The following CCDC149 variants were observed in gnomAD, a reference collection of about 807,000 sequenced individuals.
The protein encoded by CCDC149 is coiled-coil domain-containing protein 149.
In CCDC149, 45 loss-of-function variants were observed where a neutral mutation model predicts 59.9. The observed-to-expected ratio is 0.75, with a 90% CI of 0.59 to 0.96. The LOEUF (loss-of-function observed/expected upper bound fraction) is 0.96. Among genes scored for constraint, CCDC149 ranks in the 40% least tolerant of loss-of-function variants. The pLI is 0.00. For synonymous variants in CCDC149, 245 were observed against 260.6 expected, an observed-to-expected ratio of 0.94 and a Z score of 0.58; for missense variants, 584 against 664.7, an observed-to-expected ratio of 0.88 and a Z score of 1.33.
chr4:24,809,587 C>T (rs578194953), intron 12 of CCDC149, among the ~76,000 whole-genome samples: 3 of 150,678 alleles, frequency 2.0e-5, no homozygotes, highest in Admixed American at 6.5e-5. Flanking sequence ...AGCAGCATGG[C>T]GGAGCCAGCT....
chr4:24,822,454 G>GAA (rs760256106), intron 10 of CCDC149, 43 bp downstream of exon 10: 702 of 999,826 alleles, frequency 7.0e-4, no homozygotes, highest in South Asian at 1.2e-3. Flanking sequence ...TTAAAAAAAA[G>GAA]AAAAAAAAAA....
At chr4:24,969,126 G>A (rs1723888133) in intron 1 of CCDC149, among the ~76,000 whole-genome samples, 2 of 152,332 alleles carry the variant, frequency 1.3e-5, no homozygotes. Flanking sequence ...AAGACATTTG[G>A]GAGGCTTGTT....
intron 7 of CCDC149, 131 bp downstream of exon 7, chr4:24,836,305 C>A: frequency 1.5e-6 from 1 of 681,390 alleles, no homozygotes; most frequent in Non-Finnish European, 2.6e-6. Context: ...CCAGTTAAAG[C>A]TCTTATTAGA....
intron 1 of CCDC149, among the ~76,000 whole-genome samples, chr4:24,926,424 A>G (rs1722434682): frequency 6.6e-6 from 1 of 152,144 alleles, no homozygotes; most frequent in Non-Finnish European, 1.5e-5. Flanking sequence ...CATATTCCTC[A>G]GTTTCCTTTA....
At chr4:24,890,620 G>A (rs544247810) in intron 1 of CCDC149, among the ~76,000 whole-genome samples, 1 of 152,334 alleles carries the variant, frequency 6.6e-6, no homozygotes, top group East Asian at 1.9e-4. Context: ...CTTGCCTTCT[G>A]AAAAATATGA....
upstream of CCDC149, among the ~76,000 whole-genome samples, chr4:24,914,435 A>G (rs1206284181): frequency 1.3e-5 from 2 of 151,898 alleles, no homozygotes; most frequent in South Asian, 2.1e-4. Flanking sequence ...GCAATTGTGC[A>G]TTAGGATTTA....
chr4:24,809,775 T>G (rs1224327207), intron 12 of CCDC149, among the ~76,000 whole-genome samples: 2 of 152,220 alleles, frequency 1.3e-5, no homozygotes. Context: ...CACTTTCTGG[T>G]ACCCCTGAAT....
intron 1 of CCDC149, among the ~76,000 whole-genome samples, chr4:24,954,490 A>G (rs980337042): frequency 6.6e-6 from 1 of 152,254 alleles, no homozygotes; most frequent in Non-Finnish European, 1.5e-5. Context: ...ATAACTCCAC[A>G]GCTTGTACAC....
intron 12 of CCDC149, among the ~76,000 whole-genome samples, chr4:24,815,685 A>C (rs1714968542): frequency 6.6e-6 from 1 of 152,126 alleles, no homozygotes; most frequent in African/African-American, 2.4e-5. Flanking sequence ...CACCTCAGTG[A>C]GGGTGGTCTA....
chr4:24,937,506 C>T (rs374737194), intron 1 of CCDC149, among the ~76,000 whole-genome samples: 84 of 152,342 alleles, frequency 5.5e-4, no homozygotes, highest in African/African-American at 1.8e-3. Flanking sequence ...AAACCCATAT[C>T]TCAAAGGCCT....
Position 24,808,704 on chromosome 4 carries a change from G to A in CCDC149, c.1308C>T (p.Asn436=). The A allele has an allele frequency of 6.4e-7, 1 of 1,552,332 alleles. No homozygotes were observed. Among genetic ancestry groups the A allele is most frequent in the Non-Finnish European group, 8.7e-7 (1 of 1,147,144 alleles). The stretch of plus-strand genomic sequence containing the variant: ...ATGAAGGATGAAAGAGCTTGCATTG[G>A]TTCCCGCGGCTCTGATTTGCTGGGG... Residue 436 remains asparagine (N), a synonymous_variant, in exon 13 of 13, where the codon AAC becomes AAT. Transcript: ENST00000635206.
intron 12 of CCDC149, among the ~76,000 whole-genome samples, chr4:24,811,429 G>A (rs1459858834): frequency 6.6e-6 from 1 of 151,800 alleles, no homozygotes; most frequent in Non-Finnish European, 1.5e-5. Context: ...CATGCTCCTC[G>A]CAAGCTGTTT....
intron 1 of CCDC149, among the ~76,000 whole-genome samples, chr4:24,940,672 A>G (rs886183605): frequency 1.3e-5 from 2 of 152,248 alleles, no homozygotes; most frequent in Non-Finnish European, 2.9e-5. Context: ...AGAGACACAC[A>G]TAGGCTCAAA....
At chr4:24,946,660 T>C (rs1004042277) in intron 1 of CCDC149, among the ~76,000 whole-genome samples, 2 of 152,200 alleles carry the variant, frequency 1.3e-5, no homozygotes, top group Non-Finnish European at 2.9e-5. Context: ...GAAAGGAATA[T>C]ATGTTAAATG....
intron 1 of CCDC149, among the ~76,000 whole-genome samples, 163 bp downstream of exon 1, chr4:24,912,654 G>A (rs1462204007): frequency 3.3e-5 from 5 of 152,136 alleles, no homozygotes. Context: ...AAGTGCAGGA[G>A]GAGCGGCGCA....
chr4:24,881,944 A>C (rs1456959184), intron 1 of CCDC149, among the ~76,000 whole-genome samples: 3 of 152,322 alleles, frequency 2.0e-5, no homozygotes, highest in Middle Eastern at 3.4e-3. Context: ...TTACAGAGCC[A>C]AGCCTGTGGA....
At chr4:24,836,639 ACC>A in intron 6 of CCDC149, 131 bp from the exon 7 acceptor site, 1 of 606,464 alleles carries the variant, frequency 1.6e-6, no homozygotes, top group Non-Finnish European at 3.0e-6. Flanking sequence ...TTGCCTGCTC[ACC>A]AGAGAGGAGA....
intron 1 of CCDC149, among the ~76,000 whole-genome samples, chr4:24,925,413 T>G (rs1219677870): frequency 2.6e-5 from 4 of 152,126 alleles, no homozygotes; most frequent in African/African-American, 9.7e-5. Context: ...GGGGGTGGGG[T>G]AGGGTCAAAA....
chr4:24,935,551 G>A (rs761714331), intron 1 of CCDC149, among the ~76,000 whole-genome samples: 30 of 152,048 alleles, frequency 2.0e-4, no homozygotes, highest in Admixed American at 1.3e-3. Context: ...AGTGGGATTC[G>A]TGCCCTTATA....
Sources: gnomAD v4.1 joint callset for allele counts (sites outside exome capture counted in the v4.1 genomes callset) on GRCh38, gnomAD v4.1.1 for gene constraint, MANE v1.5 for transcripts, NCBI Gene and HGNC (gene_info 2026-07-23, HGNC 2026-07-21) for gene names.